Variants in SH3BP4 observed in about 807,000 individuals in gnomAD.
SH3BP4 encodes SH3 domain binding protein 4, also known as SH3 domain-binding protein 4.
A neutral mutation model predicts 65.5 loss-of-function variants in SH3BP4; 33 were observed. That is an observed-to-expected ratio of 0.50 (90% confidence interval 0.38 to 0.67). The LOEUF is 0.67. Ranked by LOEUF, SH3BP4 falls within the 30% of genes least tolerant of loss-of-function variation. The pLI is 0.00. For synonymous variants in SH3BP4, 552 were observed against 545.5 expected, an observed-to-expected ratio of 1.01 and a Z score of -0.17; for missense variants, 1,134 against 1,261.4, an observed-to-expected ratio of 0.90 and a Z score of 1.53.
intron 1 of SH3BP4, among the ~76,000 whole-genome samples, chr2:234,987,691 G>A (rs956120822): frequency 1.3e-5 from 2 of 152,124 alleles, no homozygotes; most frequent in South Asian, 2.1e-4. Context: ...GGTGATTTTC[G>A]AAACCTTGGA....
chr2:234,979,805 C>T (rs1308025365), intron 1 of SH3BP4: 1 of 29,894 alleles, frequency 3.3e-5, no homozygotes, highest in Non-Finnish European at 5.4e-5. Context: ...CTACAACAAG[C>T]AGATGACCCT....
At chr2:235,017,632 C>A (rs976083226) in intron 2 of SH3BP4, among the ~76,000 whole-genome samples, 3 of 152,070 alleles carry the variant, frequency 2.0e-5, no homozygotes, top group Non-Finnish European at 4.4e-5. Context: ...GCTTTATCGA[C>A]ATGAGTGAGC....
intron 2 of SH3BP4, among the ~76,000 whole-genome samples, chr2:235,028,321 C>A (rs1352158012): frequency 1.3e-5 from 2 of 152,178 alleles, no homozygotes; most frequent in Non-Finnish European, 2.9e-5. Context: ...ACCACTGGGA[C>A]CTGCTGAGTA....
At chr2:235,029,780 G>A (rs2106319230) in intron 2 of SH3BP4, among the ~76,000 whole-genome samples, 1 of 152,304 alleles carries the variant, frequency 6.6e-6, no homozygotes, top group South Asian at 2.1e-4. Context: ...GCGGCACTCG[G>A]GATGGGCGAG....
intron 1 of SH3BP4, among the ~76,000 whole-genome samples, chr2:234,984,509 C>A (rs2106260638): frequency 6.6e-6 from 1 of 152,250 alleles, no homozygotes; most frequent in African/African-American, 2.4e-5. Flanking sequence ...AAGCCCTGTC[C>A]TTTTCAGTGT....
In SH3BP4 at chr2:235,055,042, G is replaced by A. The variant is rs1226727824; in HGVS notation, c.*1226G>A. On this transcript the variant is annotated 3_prime_UTR_variant, in exon 6 of 6. Transcript: ENST00000392011. Reference sequence around the variant, plus strand: ...GAAAATGTGACTCACATAAAATCAGGAACTTGACACAGTGTTGCATTAATA... The same window carrying A: ...GAAAATGTGACTCACATAAAATCAGAAACTTGACACAGTGTTGCATTAATA... 1 of 152,216 alleles carries A rather than the reference G, an allele frequency of 6.6e-6. No individual in the cohort carries two copies. The highest frequency in any genetic ancestry group is 2.4e-5 in the African/African-American group (1 of 41,446). The allele number at this position is 152,216 out of a possible 1,614,324, so 9.4% of individuals were successfully genotyped here. A position where few individuals can be genotyped will look rare whatever the true frequency, so the allele number is the denominator to read the frequency against.
Position 234,961,687 on chromosome 2 carries a change from T to G in SH3BP4, c.-207+9517T>G, listed in dbSNP as rs932461995. Among the ~76,000 whole-genome samples, 6 of 152,242 alleles carry G rather than the reference T, an allele frequency of 3.9e-5. No individual in the cohort carries two copies. The East Asian group carries it at 7.7e-4, about 20-fold the overall frequency. ...TTAGATACTGAGTTAATAGAATTTCTGTGATGTTCCAGCATCTGAGTTGAA... is the reference window on the plus strand; with the variant it reads ...TTAGATACTGAGTTAATAGAATTTCGGTGATGTTCCAGCATCTGAGTTGAA... On this transcript the variant is annotated intron_variant, in intron 1 of 5. Coordinates refer to ENST00000392011, the MANE Select transcript of SH3BP4 (RefSeq NM_014521.3).
In SH3BP4 at chr2:235,034,791, A is replaced by G; in HGVS notation, c.-132-80A>G. On this transcript the variant is annotated intron_variant, in intron 2 of 5. Coordinates refer to ENST00000392011, the MANE Select transcript of SH3BP4 (RefSeq NM_014521.3). The surrounding 1 kb of genome is among the most constrained non-coding windows in gnomAD (Gnocchi z 6.2). ...ATTAGAACAGCCTGGAAGAAAGAGG[A>G]TTCCCACTTCCCATAAAATTACCAT... 2 of 560,026 alleles carry G rather than the reference A, an allele frequency of 3.6e-6. No individual in the cohort carries two copies. The highest frequency in any genetic ancestry group is 4.2e-5 in the South Asian group (2 of 48,018). The allele number at this position is 560,026 out of a possible 1,614,324, so 34.7% of individuals were successfully genotyped here. A position where few individuals can be genotyped will look rare whatever the true frequency, so the allele number is the denominator to read the frequency against.
intron 1 of SH3BP4, among the ~76,000 whole-genome samples, chr2:234,964,853 C>A (rs574974147): frequency 5.0e-4 from 76 of 152,202 alleles, no homozygotes; most frequent in African/African-American, 1.8e-3. Context: ...GGCCGGGTGA[C>A]CTGCCTGGGG....
At chr2:235,005,241 C>G (rs924791320) in intron 2 of SH3BP4, among the ~76,000 whole-genome samples, 1 of 152,150 alleles carries the variant, frequency 6.6e-6, no homozygotes, top group Non-Finnish European at 1.5e-5. Flanking sequence ...TCTGTCTGTC[C>G]CTCCCAGCCC....
intron 2 of SH3BP4, among the ~76,000 whole-genome samples, chr2:235,004,392 A>G (rs1413260999): frequency 6.6e-6 from 1 of 152,182 alleles, no homozygotes; most frequent in Non-Finnish European, 1.5e-5. Context: ...AGTTCACATA[A>G]CATATAATTT....
At position 235,042,677 on chromosome 2, in the gene SH3BP4, G is replaced by T; in HGVS notation, c.1908G>T (p.Leu636=). 6.2e-7 allele frequency: 1 copy of T among 1,614,174 alleles called. No homozygotes were observed. The highest frequency in any genetic ancestry group is 8.5e-7 in the Non-Finnish European group (1 of 1,180,046). ...LKKNEVGKII[L]SPFATTTKYP... is the part of the protein sequence containing the mutation. ...AGAACGAAGTCGGGAAAATCATCCT[G>T]TCCCCGTTTGCCACCACTACAAAGT... Residue 636 remains leucine, a synonymous_variant, in exon 4 of 6, where the codon CTG becomes CTT. Transcript: ENST00000392011. This position sits in a 1 kb window ranked among gnomAD's most constrained non-coding sequence, Gnocchi z 7.3.
intron 1 of SH3BP4, among the ~76,000 whole-genome samples, chr2:234,965,499 A>T (rs1051398289): frequency 6.6e-6 from 1 of 152,234 alleles, no homozygotes; most frequent in Non-Finnish European, 1.5e-5. Flanking sequence ...ACTTGAATAC[A>T]ACCTTTTGCA....
In SH3BP4 at chr2:235,041,568, A is replaced by T; in HGVS notation, c.799A>T (p.Thr267Ser). 1 of 1,613,962 alleles carries T rather than the reference A, an allele frequency of 6.2e-7. No homozygotes were observed. The highest frequency in any genetic ancestry group is 1.1e-5 in the South Asian group (1 of 91,072). ...TGCTCCCACATCGTCGAGTTTCTTCACCGGCTTGAAATCACCTGCCCCCGA... is the reference window on the plus strand; with the variant it reads ...TGCTCCCACATCGTCGAGTTTCTTCTCCGGCTTGAAATCACCTGCCCCCGA... ...SDAPTSSSFF[T>S]GLKSPAPEQF... The change falls in exon 4 of 6, where the codon ACC (threonine) becomes TCC (serine). Residue 267 changes from threonine (T) to serine (S), a missense_variant. Thr to Ser is a moderately conservative substitution (Grantham distance 58, BLOSUM62 1). Coordinates refer to ENST00000392011, the MANE Select transcript of SH3BP4 (RefSeq NM_014521.3). The surrounding 1 kb of genome is among the most constrained non-coding windows in gnomAD (Gnocchi z 6.0).
intron 1 of SH3BP4, among the ~76,000 whole-genome samples, chr2:234,971,565 A>G (rs1464978447): frequency 1.3e-5 from 2 of 152,138 alleles, no homozygotes; most frequent in African/African-American, 4.8e-5. Context: ...AGGCACTTCC[A>G]TATTGTTTTC....
chr2:235,023,172 C>A (rs565586960), intron 2 of SH3BP4, among the ~76,000 whole-genome samples: 7 of 152,312 alleles, frequency 4.6e-5, no homozygotes, highest in African/African-American at 1.4e-4. Context: ...GCTCAGCTGG[C>A]CTCCTTTTCA....
intron 3 of SH3BP4, among the ~76,000 whole-genome samples, chr2:235,036,740 A>AAAAAATAATAAT (rs146049108): frequency 1.4e-5 from 2 of 141,772 alleles, no homozygotes; most frequent in African/African-American, 5.4e-5. Context: ...TCTATATAAA[A>AAAAAATAATAAT]AATAATAATA....
chr2:235,043,336 T>A, intron 4 of SH3BP4, 89 bp downstream of exon 4: 2 of 1,074,018 alleles, frequency 1.9e-6, no homozygotes, highest in Non-Finnish European at 2.7e-6. Flanking sequence ...TGGGCCGTGG[T>A]GTCGTAAGTC....
In SH3BP4 at chr2:235,054,009, A is replaced by G; in HGVS notation, c.*193A>G. Reference sequence around the variant, plus strand: ...GAGGCCTGAAGGGACTGCCTACTGCAGCTCGTTGCCAATCACATAGCTTTC... The same window carrying G: ...GAGGCCTGAAGGGACTGCCTACTGCGGCTCGTTGCCAATCACATAGCTTTC... On this transcript the variant is annotated 3_prime_UTR_variant, in exon 6 of 6. Coordinates refer to ENST00000392011, the MANE Select transcript of SH3BP4 (RefSeq NM_014521.3). 3.6e-6 allele frequency: 2 copies of G among 548,704 alleles called. No homozygotes were observed. The highest frequency in any genetic ancestry group is 5.6e-5 in the South Asian group (2 of 35,860). 34.0% of individuals were successfully genotyped at this position (548,704 alleles called of 1,614,324 possible). A position where few individuals can be genotyped will look rare whatever the true frequency, so the allele number is the denominator to read the frequency against.
Sources: allele counts gnomAD v4.1 joint callset (sites outside exome capture counted in the v4.1 genomes callset), GRCh38; gene constraint gnomAD v4.1.1; non-coding constraint Gnocchi (gnomAD v3.1); transcripts MANE v1.5; gene names NCBI Gene and HGNC (gene_info 2026-07-23, HGNC 2026-07-21).